Variants in TNKS observed in about 807,000 individuals in gnomAD.
The protein encoded by TNKS is poly [ADP-ribose] polymerase tankyrase-1.
In TNKS, 72 loss-of-function variants were observed where a neutral mutation model predicts 135.8. That is an observed-to-expected ratio of 0.53 (90% CI 0.44 to 0.64). TNKS has a LOEUF of 0.64. Ranked by LOEUF, TNKS falls within the 30% of genes least tolerant of loss-of-function variation. The probability of loss-of-function intolerance (pLI) is 0.00; values close to 1 mark genes in which losing one functional copy is unlikely to be tolerated. For synonymous variants in TNKS, 849 were observed against 649.3 expected, an observed-to-expected ratio of 1.31 and a Z score of -4.68; for missense variants, 1,769 against 1,674.0, an observed-to-expected ratio of 1.06 and a Z score of -0.99.
At chr8:9,664,399 T>C (rs1191182840) in intron 3 of TNKS, among the ~76,000 whole-genome samples, 1 of 152,126 alleles carries the variant, frequency 6.6e-6, no homozygotes, top group Non-Finnish European at 1.5e-5. Context: ...CAACGCAAAT[T>C]AAATTATTCA....
At chr8:9,758,514 T>C (rs1210523073) in intron 20 of TNKS, among the ~76,000 whole-genome samples, 2 of 152,212 alleles carry the variant, frequency 1.3e-5, no homozygotes, top group South Asian at 2.1e-4. Flanking sequence ...GTGTAACAAA[T>C]TACCCAAAAC....
intron 7 of TNKS, 98 bp downstream of exon 7, chr8:9,706,351 A>C: frequency 1.0e-6 from 1 of 969,074 alleles, no homozygotes; most frequent in Admixed American, 3.0e-5. Flanking sequence ...AAGTTTGTTT[A>C]GTTCTTTGGG....
At chr8:9,707,018 A>G (rs866766565) in intron 8 of TNKS, 21 bp downstream of exon 8, 2 of 1,540,218 alleles carry the variant, frequency 1.3e-6, no homozygotes, top group Middle Eastern at 3.6e-4. Flanking sequence ...ATATCCCGAA[A>G]TCATTATCGC....
intron 2 of TNKS, among the ~76,000 whole-genome samples, chr8:9,597,988 T>G (rs961231782): frequency 6.6e-6 from 1 of 152,232 alleles, no homozygotes; most frequent in African/African-American, 2.4e-5. Flanking sequence ...TAAATAACTT[T>G]CCTAAGGAAT....
At chr8:9,585,103 G>C (rs755852672) in intron 2 of TNKS, among the ~76,000 whole-genome samples, 2 of 151,838 alleles carry the variant, frequency 1.3e-5, no homozygotes, top group Non-Finnish European at 2.9e-5. Flanking sequence ...AAAGTATAAA[G>C]TGGGGAAGAA....
chr8:9,756,730 C>G (rs891555495), intron 20 of TNKS, among the ~76,000 whole-genome samples: 2 of 152,076 alleles, frequency 1.3e-5, no homozygotes, highest in African/African-American at 4.8e-5. Flanking sequence ...AATAATCTTA[C>G]TTTCATTCCT....
intron 25 of TNKS, 72 bp from the exon 26 acceptor site, chr8:9,770,034 A>G (rs948894692): frequency 1.5e-6 from 2 of 1,363,278 alleles, no homozygotes; most frequent in Non-Finnish European, 2.0e-6. Context: ...TAAAAAATTA[A>G]TAGATCTAGC....
chr8:9,733,478 A>C lies in TNKS; in HGVS notation c.2313+34A>C, dbSNP rs1293042686. The C allele has an allele frequency of 3.2e-6, 5 of 1,549,172 alleles. No individual in the cohort carries two copies. The East Asian group carries it at 1.2e-4, about 37-fold the overall frequency. ...TTTAAAAAGTTATGAAATATAACTAATTTTATTTATATTTTGGTTATTACT... is the reference window on the plus strand; with the variant it reads ...TTTAAAAAGTTATGAAATATAACTACTTTTATTTATATTTTGGTTATTACT... On this transcript the variant is annotated intron_variant, in intron 15 of 26. Coordinates refer to ENST00000310430, the MANE Select transcript of TNKS (RefSeq NM_003747.3).
At position 9,748,014 on chromosome 8, in the gene TNKS, T is replaced by C. The variant is rs1806323376; in HGVS notation, c.2644-10T>C. On this transcript the variant is annotated splice_polypyrimidine_tract_variant and intron_variant, in intron 17 of 26. Transcript: ENST00000310430. ...TTCTTAACTCTTTGTATCCTTTTCT[T>C]TTTTTTCAGCATGTTGACATAGCGG... is the stretch of plus-strand genomic sequence containing the variant. The C allele has an allele frequency of 6.3e-7, 1 of 1,598,624 alleles. No individual in the cohort carries two copies. The highest frequency in any genetic ancestry group is 8.5e-7 in the Non-Finnish European group (1 of 1,171,610).
intron 3 of TNKS, among the ~76,000 whole-genome samples, chr8:9,665,514 C>T (rs1202596353): frequency 1.3e-5 from 2 of 152,168 alleles, no homozygotes; most frequent in Non-Finnish European, 2.9e-5. Flanking sequence ...TCCAGGACTT[C>T]AGAGTCACTA....
intron 3 of TNKS, among the ~76,000 whole-genome samples, chr8:9,676,841 A>G (rs890077690): frequency 6.6e-6 from 1 of 152,138 alleles, no homozygotes; most frequent in South Asian, 2.1e-4. Context: ...TTTAATAGAA[A>G]ATGTTTTAAG....
Position 9,779,241 on chromosome 8 carries a change from G to C in TNKS, c.*2505G>C, listed in dbSNP as rs934672755. 1 of 152,606 alleles carries C rather than the reference G, an allele frequency of 6.6e-6. No individual in the cohort carries two copies. Among genetic ancestry groups the C allele is most frequent in the Non-Finnish European group, 1.5e-5 (1 of 68,022 alleles). The allele number at this position is 152,606 out of a possible 1,614,324, so 9.5% of individuals were successfully genotyped here. On this transcript the variant is annotated 3_prime_UTR_variant, in exon 27 of 27. Coordinates refer to ENST00000310430, the MANE Select transcript of TNKS (RefSeq NM_003747.3). Reference sequence around the variant, plus strand: ...TGAGTGCACTCAAAAGTTAGGACAAGTTTATTACATTTGGGATTTTCATCT... The same window carrying C: ...TGAGTGCACTCAAAAGTTAGGACAACTTTATTACATTTGGGATTTTCATCT...
At chr8:9,755,995 C>G (rs1034948470) in intron 20 of TNKS, among the ~76,000 whole-genome samples, 39 of 152,266 alleles carry the variant, frequency 2.6e-4, no homozygotes, top group South Asian at 2.1e-4. Context: ...ACCCATGTGA[C>G]TTTGGCCCTT....
chr8:9,633,315 C>T (rs1289042370), intron 3 of TNKS, among the ~76,000 whole-genome samples: 1 of 152,076 alleles, frequency 6.6e-6, no homozygotes, highest in Non-Finnish European at 1.5e-5. Context: ...TGGAGCCTGC[C>T]TAAGTGCCCA....
chr8:9,570,537 C>T (rs938822234), intron 1 of TNKS, among the ~76,000 whole-genome samples: 6 of 152,196 alleles, frequency 3.9e-5, no homozygotes, highest in Non-Finnish European at 7.3e-5. Flanking sequence ...TTGCAAAAAG[C>T]ATGCGGTTAG....
chr8:9,580,204 C>G lies in TNKS; in HGVS notation c.719C>G (p.Ala240Gly). 6.2e-7 allele frequency: 1 copy of G among 1,614,156 alleles called. No homozygotes were observed. Among genetic ancestry groups the G allele is most frequent in the African/African-American group, 1.3e-5 (1 of 75,038 alleles). ...DVVEHLLQMG[A>G]NVHARDDGGL... ...GTAGAACACTTACTACAGATGGGTG[C>G]TAATGTCCACGCTCGTGATGATGGA... The change falls in exon 2 of 27, where the codon GCT becomes GGT. Residue 240 changes from alanine (A) to glycine (G), a missense_variant. This residue lies in a region of TNKS where 523 missense variants were observed against 541.0 expected (regional missense o/e 0.97). Coordinates refer to ENST00000310430, the MANE Select transcript of TNKS (RefSeq NM_003747.3).
intron 5 of TNKS, among the ~76,000 whole-genome samples, chr8:9,699,366 C>T (rs1803687389): frequency 6.6e-6 from 1 of 152,180 alleles, no homozygotes; most frequent in African/African-American, 2.4e-5. Flanking sequence ...GATCAGGAGA[C>T]AGCATTTGGT....
Position 9,639,370 on chromosome 8 carries a change from T to G in TNKS, c.994+23693T>G, listed in dbSNP as rs535126436. ...ACAGTTTATTGCCAGGATGTAAGAG[T>G]GGCTTTCTTTTGATTTTGACCACTC... On this transcript the variant is annotated intron_variant, in intron 3 of 26. Coordinates refer to ENST00000310430, the MANE Select transcript of TNKS (RefSeq NM_003747.3). Among the ~76,000 whole-genome samples, 4 of 152,198 alleles carry G rather than the reference T, an allele frequency of 2.6e-5. No homozygotes were observed. In the South Asian group the frequency reaches 8.3e-4, roughly 32 times the overall value.
chr8:9,710,879 G>C (rs1214192371), intron 11 of TNKS, among the ~76,000 whole-genome samples: 1 of 152,076 alleles, frequency 6.6e-6, no homozygotes, highest in Non-Finnish European at 1.5e-5. Flanking sequence ...CTGGGAGACA[G>C]AGTGAGAATC....
Sources: allele counts gnomAD v4.1 joint callset (sites outside exome capture counted in the v4.1 genomes callset), GRCh38; gene constraint gnomAD v4.1.1; regional missense constraint gnomAD v4.1.1; transcripts MANE v1.5; gene names NCBI Gene and HGNC (gene_info 2026-07-23, HGNC 2026-07-21).